The following NECTIN1 variants were observed in gnomAD, a reference collection of about 807,000 sequenced individuals.
NECTIN1 encodes nectin-1.
A neutral mutation model predicts 48.0 loss-of-function variants in NECTIN1; 23 were observed. The ratio of observed to expected loss-of-function variants is 0.48; its 90% CI spans 0.34 to 0.68. NECTIN1 has a LOEUF of 0.68. NECTIN1 is among the 30% of genes least tolerant of loss of function. NECTIN1 has a pLI of 0.01. For synonymous variants in NECTIN1, 270 were observed against 288.9 expected (o/e 0.93, Z 0.66); for missense variants, 591 against 709.9 (o/e 0.83, Z 1.90).
At chr11:119,718,243 G>C (rs1341541805) in intron 1 of NECTIN1, among the ~76,000 whole-genome samples, 2 of 152,130 alleles carry the variant, frequency 1.3e-5, no homozygotes, top group African/African-American at 4.8e-5. Context: ...CTGGGGAAGG[G>C]CTTTGATTTT....
intron 5 of NECTIN1, among the ~76,000 whole-genome samples, chr11:119,646,187 T>A (rs1189361997): frequency 6.6e-6 from 1 of 152,198 alleles, no homozygotes; most frequent in Admixed American, 6.5e-5. Context: ...GGTTCTGAAC[T>A]CAGGTGGAGG....
rs758657451 is a variant in NECTIN1 at position 119,664,717 on chromosome 11, C to T, written c.*30G>A. ...CGTGCGGGGAGGGGCTGGGGAGGAG[C>T]GGTCACAGACAGAGGCTCTGGAAGG... On this transcript the variant is annotated 3_prime_UTR_variant, in exon 6 of 6. Coordinates refer to ENST00000264025, the MANE Select transcript of NECTIN1 (RefSeq NM_002855.5). The T allele has an allele frequency of 2.0e-5, 32 of 1,569,472 alleles. No individual in the cohort carries two copies. The highest frequency in any genetic ancestry group is 1.7e-4 in the Middle Eastern group (1 of 5,820).
In NECTIN1 at chr11:119,694,238, G is replaced by A. The variant is rs529410420; in HGVS notation, c.80-15473C>T. 5.3e-5 allele frequency among the ~76,000 whole-genome samples: 8 copies of A among 152,270 alleles called. No homozygotes were observed. In the South Asian group the frequency reaches 6.2e-4, roughly 12 times the overall value. On this transcript the variant is annotated intron_variant, in intron 1 of 5. Coordinates refer to ENST00000264025, the MANE Select transcript of NECTIN1 (RefSeq NM_002855.5). ...AGGGGAAGCAGGAGCTGGCAGGGTC[G>A]GACCCAGGGAGAAGAGGGGTGGGAA...
intron 5 of NECTIN1, among the ~76,000 whole-genome samples, chr11:119,647,655 C>T (rs963808700): frequency 2.6e-5 from 4 of 151,626 alleles, no homozygotes; most frequent in African/African-American, 7.3e-5. Flanking sequence ...GAGGGGGTGG[C>T]GGGGGGAAGC....
chr11:119,703,866 C>T (rs1024123880), intron 1 of NECTIN1, among the ~76,000 whole-genome samples: 1 of 152,240 alleles, frequency 6.6e-6, no homozygotes, highest in South Asian at 2.1e-4. Context: ...CCTGTTCAGC[C>T]TGTCACCTCC....
chr11:119,658,580 A>T (rs1321037335), downstream of NECTIN1, among the ~76,000 whole-genome samples: 1 of 152,128 alleles, frequency 6.6e-6, no homozygotes. Context: ...TTCCTCCTCC[A>T]ACTTTCCCAC....
At chr11:119,660,090 C>T (rs1396967122), downstream of NECTIN1, among the ~76,000 whole-genome samples, 6 of 152,214 alleles carry the variant, frequency 3.9e-5, no homozygotes, top group East Asian at 1.2e-3. Context: ...AGGATGTGGC[C>T]TTGCCCACAA....
chr11:119,693,373 G>A (rs192985999), intron 1 of NECTIN1, among the ~76,000 whole-genome samples: 8 of 152,200 alleles, frequency 5.3e-5, no homozygotes, highest in Non-Finnish European at 1.2e-4. Flanking sequence ...ACAGCTGCAC[G>A]CATCAAGCAC....
intron 1 of NECTIN1, among the ~76,000 whole-genome samples, chr11:119,705,562 G>A (rs1437958272): frequency 1.3e-5 from 2 of 152,356 alleles, no homozygotes; most frequent in African/African-American, 2.4e-5. Context: ...GCCCCGTGGC[G>A]GGAGAGCGTC....
chr11:119,719,983 A>G (rs1438431392), intron 1 of NECTIN1, among the ~76,000 whole-genome samples: 1 of 152,230 alleles, frequency 6.6e-6, no homozygotes, highest in Non-Finnish European at 1.5e-5. Context: ...CAGCATGTGC[A>G]AAGGCACGGA....
At position 119,662,647 on chromosome 11, in the gene NECTIN1, A is replaced by T; in HGVS notation, c.*2100T>A. The T allele has an allele frequency of 3.0e-6, 3 of 985,582 alleles. No individual in the cohort carries two copies. Among genetic ancestry groups the T allele is most frequent in the Non-Finnish European group, 3.6e-6 (3 of 829,986 alleles). The allele number at this position is 985,582 out of a possible 1,614,324, so 61.1% of individuals were successfully genotyped here. On this transcript the variant is annotated 3_prime_UTR_variant, in exon 6 of 6. Transcript: ENST00000264025. This position sits in a 1 kb window ranked among gnomAD's most constrained non-coding sequence, Gnocchi z 5.3. ...TGGGATTGCCTCCTGCCTGGGGGAA[A>T]AGGGGACCAAGCAGAGGGGCCAGAG...
Position 119,665,219 on chromosome 11 carries a change from G to A in NECTIN1, c.1082C>T (p.Ala361Val), listed in dbSNP as rs375945097. ...AATCAACACCAGCAGGATGCTCCCC[G>A]CCACGCCCCCAATGATGGCCGTGGG... ...PVPTAIIGGV[A>V]GSILLVLIVV... The change falls in exon 6 of 6, where the codon GCG becomes GTG. Residue 361 changes from alanine to valine, a missense_variant. Ala to Val is a moderately conservative substitution (Grantham distance 64). Transcript: ENST00000264025. The surrounding 1 kb of genome is among the most constrained non-coding windows in gnomAD (Gnocchi z 5.1). 4 of 1,604,468 alleles carry A rather than the reference G, an allele frequency of 2.5e-6. No individual in the cohort carries two copies. Among genetic ancestry groups the A allele is most frequent in the Non-Finnish European group, 3.4e-6 (4 of 1,179,106 alleles).
chr11:119,638,850 G>C (rs1864277886), intron 6 of NECTIN1: 9 of 1,536,526 alleles, frequency 5.9e-6, no homozygotes, highest in Non-Finnish European at 8.1e-6. Context: ...AGCACACATG[G>C]GGGCTCTCCC....
rs766521154 is a variant in NECTIN1 at position 119,675,270 on chromosome 11, T to C, written c.892A>G (p.Arg298Gly). 1.2e-6 allele frequency: 2 copies of C among 1,614,150 alleles called. No homozygotes were observed. Among genetic ancestry groups the C allele is most frequent in the Admixed American group, 1.7e-5 (1 of 60,014 alleles). Residue 298 changes from arginine to glycine, a missense_variant, in exon 5 of 6, where the codon AGA becomes GGA. Transcript: ENST00000264025. ...ATGGGTCCCTTGAAGAAGAGGGTTC[T>C]GTTCTGGGCCTCCACACCCTTGGGG... ...SLPKGVEAQN[R>G]TLFFKGPINY...
chr11:119,722,785 G>A (rs577093805), intron 1 of NECTIN1, among the ~76,000 whole-genome samples: 3 of 152,356 alleles, frequency 2.0e-5, no homozygotes, highest in Non-Finnish European at 2.9e-5. Flanking sequence ...AAGGGAACAC[G>A]AGTAGCAGAC....
intron 1 of NECTIN1, among the ~76,000 whole-genome samples, chr11:119,688,260 C>G (rs1310999579): frequency 6.6e-6 from 1 of 152,174 alleles, no homozygotes. Flanking sequence ...TGGCCCATAG[C>G]TATGCTATAC....
At position 119,666,964 on chromosome 11, in the gene NECTIN1, C is replaced by G. The variant is rs181350028; in HGVS notation, c.1004-1667G>C. On this transcript the variant is annotated intron_variant, in intron 5 of 5. Transcript: ENST00000264025. ...AAGGTCACGCGGCTGAGCCAGGACC[C>G]CCCAGGGGCTCCTATACACGTGGGC... Among the ~76,000 whole-genome samples, 1,276 of 152,254 alleles carry G rather than the reference C, an allele frequency of 8.4e-3. 14 individuals are homozygous for G. Among genetic ancestry groups the G allele is most frequent in the African/African-American group, 0.024 (1,007 of 41,532 alleles).
At chr11:119,666,357 AAG>A (rs1206944099) in intron 5 of NECTIN1, among the ~76,000 whole-genome samples, 1 of 152,198 alleles carries the variant, frequency 6.6e-6, no homozygotes, top group South Asian at 2.1e-4. Flanking sequence ...AGGTGAAAAG[AAG>A]AGAAAGGAAG....
At chr11:119,638,665 G>A (rs528025948) in intron 7 of NECTIN1, 1 of 1,421,962 alleles carries the variant, frequency 7.0e-7, no homozygotes, top group East Asian at 2.4e-5. Context: ...CTCTCCTTGG[G>A]GCCATCTCCC....
Sources: gnomAD v4.1 joint callset for allele counts (sites outside exome capture counted in the v4.1 genomes callset) on GRCh38, gnomAD v4.1.1 for gene constraint, Gnocchi (gnomAD v3.1) non-coding constraint, MANE v1.5 for transcripts, NCBI Gene and HGNC (gene_info 2026-07-23, HGNC 2026-07-21) for gene names.